BAIAP3: variants seen among roughly 807,000 people sequenced by gnomAD.
BAIAP3 encodes the protein BAI1 associated protein 3.
A neutral mutation model predicts 149.7 loss-of-function variants in BAIAP3; 180 were observed. The observed-to-expected ratio is 1.20, with a 90% CI of 1.07 to 1.36. The LOEUF (loss-of-function observed/expected upper bound fraction) is 1.36. Ranked by LOEUF, BAIAP3 falls within the 40% of genes most tolerant of loss-of-function variation. BAIAP3 has a pLI of 0.00. For missense variants in BAIAP3, 1,767 were observed against 1,563.4 expected (o/e 1.13, Z -2.20); for synonymous variants, 845 against 670.7 (o/e 1.26, Z -4.02).
At chr16:1,341,583 C>T (rs960362634) in intron 8 of BAIAP3, 94 bp downstream of exon 8, 34 of 1,461,432 alleles carry the variant, frequency 2.3e-5, no homozygotes, top group African/African-American at 4.2e-5. Flanking sequence ...CAGCAGCTCC[C>T]GGTCTCTTTG....
rs768496438 is a variant in BAIAP3 at position 1,340,961 on chromosome 16, G to A, written c.448G>A (p.Glu150Lys). ...TSLEEHTEAI[E>K]RVRKAKAPTY... ...CCTTGAGGAGCACACTGAGGCCATC[G>A]AGCGAGTGAGGAAGGCCAAGGTGAG... is the stretch of plus-strand genomic sequence containing the variant. Residue 150 changes from glutamate to lysine, a missense_variant, in exon 6 of 34, where the codon GAG becomes AAG. Physicochemically the swap from Glu to Lys is moderately conservative, Grantham distance 56. Coordinates refer to ENST00000426824, the MANE Select transcript of BAIAP3 (RefSeq NM_001199097.2). 21 of 1,589,192 alleles carry A rather than the reference G, an allele frequency of 1.3e-5. No individual in the cohort carries two copies. The highest frequency in any genetic ancestry group is 1.7e-4 in the Middle Eastern group (1 of 6,028).
rs965319193 is a variant in BAIAP3 at position 1,342,018 on chromosome 16, C to T, written c.809C>T (p.Ala270Val). The change falls in exon 10 of 34, where the codon GCG becomes GTG. Residue 270 changes from alanine (A) to valine (V), a missense_variant. Transcript: ENST00000426824. Reference protein sequence around the residue: ...DHDDDVSLVEACRKLNEVIGL... With the variant: ...DHDDDVSLVEVCRKLNEVIGL... ...GACGACGATGTATCCCTGGTAGAAG[C>T]GTGCAGGAAGCTGAATGAAGTCATC... 9.3e-6 allele frequency: 15 copies of T among 1,606,446 alleles called. No individual in the cohort carries two copies. The highest frequency in any genetic ancestry group is 6.8e-5 in the Admixed American group (4 of 59,210).
intron 1 of BAIAP3, among the ~76,000 whole-genome samples, chr16:1,337,805 C>T (rs924524631): frequency 5.3e-5 from 8 of 152,220 alleles, no homozygotes; most frequent in African/African-American, 4.8e-5. Context: ...CAGCGGGGCC[C>T]GGCTCGCTTC....
chr16:1,340,189 ACACACGCACACAGG>A (rs1404480189), intron 5 of BAIAP3, among the ~76,000 whole-genome samples: 3 of 39,198 alleles, frequency 7.7e-5, no homozygotes, highest in African/African-American at 2.0e-4. Context: ...GTGCACACAG[ACACACGCACACAGG>A]CTGCAGGTGC....
chr16:1,336,359 G>A (rs2033456969), intron 1 of BAIAP3: 2 of 985,402 alleles, frequency 2.0e-6, no homozygotes, highest in East Asian at 1.1e-4. Context: ...ATCTTTTGGG[G>A]GGGAGGCTCA....
intron 23 of BAIAP3, 29 bp from the exon 24 acceptor site, chr16:1,345,957 A>T: frequency 1.3e-6 from 2 of 1,591,046 alleles, no homozygotes; most frequent in Non-Finnish European, 1.7e-6. Context: ...GGAGGGCTCC[A>T]TGGCTCCCCA....
At position 1,348,516 on chromosome 16, in the gene BAIAP3, ACC is replaced by A; in HGVS notation, c.*37_*38del. The stretch of plus-strand genomic sequence containing the variant: ...GCTGCCAGCCCCGGCCCTGGCCCCC[ACC>A]CCAAGTTCCCTGAAGCATCCTCCAG... On this transcript the variant is annotated 3_prime_UTR_variant, in exon 34 of 34. Coordinates refer to ENST00000426824, the MANE Select transcript of BAIAP3 (RefSeq NM_001199097.2). 1 of 1,567,954 alleles carries A rather than the reference ACC, an allele frequency of 6.4e-7. No homozygotes were observed. Among genetic ancestry groups the A allele is most frequent in the Non-Finnish European group, 8.7e-7 (1 of 1,155,894 alleles).
chr16:1,346,710 C>CT, intron 27 of BAIAP3, 26 bp downstream of exon 27: 1 of 1,489,876 alleles, frequency 6.7e-7, no homozygotes, highest in Non-Finnish European at 9.1e-7. Context: ...GTGGGATGGG[C>CT]TGGGCTGGCC....
Position 1,340,937 on chromosome 16 carries a change from C to A in BAIAP3, c.424C>A (p.Leu142Ile). ...SYLQQVFGTS[L>I]EEHTEAIERV... is the part of the protein sequence containing the mutation. Reference sequence around the variant, plus strand: ...CCCTCCACAGGTGTTTGGCACCAGCCTTGAGGAGCACACTGAGGCCATCGA... The same window carrying A: ...CCCTCCACAGGTGTTTGGCACCAGCATTGAGGAGCACACTGAGGCCATCGA... The change falls in exon 6 of 34, where the codon CTT becomes ATT. Residue 142 changes from leucine (L) to isoleucine (I), a missense_variant. Physicochemically the swap from Leu to Ile is conservative, Grantham distance 5 (BLOSUM62 2). Coordinates refer to ENST00000426824, the MANE Select transcript of BAIAP3 (RefSeq NM_001199097.2). 6.3e-7 allele frequency: 1 copy of A among 1,578,050 alleles called. No homozygotes were observed. Among genetic ancestry groups the A allele is most frequent in the Non-Finnish European group, 8.6e-7 (1 of 1,162,268 alleles).
At chr16:1,341,058 C>T in intron 6 of BAIAP3, 71 bp from the exon 7 acceptor site, 1 of 1,611,256 alleles carries the variant, frequency 6.2e-7, no homozygotes, top group Admixed American at 1.7e-5. Flanking sequence ...GGCCCTGTCA[C>T]CTCCATGCTA....
In BAIAP3 at chr16:1,341,118, T is replaced by C. The variant is rs367888200; in HGVS notation, c.469-11T>C. On this transcript the variant is annotated splice_polypyrimidine_tract_variant and intron_variant, in intron 6 of 33. Transcript: ENST00000426824. ...AGCCTCACCAGGCCCCCCACGCCCCTCTGTCCACAGGCCCCCACGTATGCC... is the reference window on the plus strand; with the variant it reads ...AGCCTCACCAGGCCCCCCACGCCCCCCTGTCCACAGGCCCCCACGTATGCC... The C allele has an allele frequency of 6.2e-7, 1 of 1,611,696 alleles. No homozygotes were observed. Among genetic ancestry groups the C allele is most frequent in the Non-Finnish European group, 8.5e-7 (1 of 1,179,344 alleles).
intron 28 of BAIAP3, 126 bp downstream of exon 28, chr16:1,347,081 C>T: frequency 1.0e-6 from 1 of 967,650 alleles, no homozygotes; most frequent in South Asian, 1.5e-5. Context: ...GGGCTGTCCA[C>T]AGCGCCTCCT....
intron 1 of BAIAP3, chr16:1,336,323 C>T (rs2033454342): frequency 1.0e-6 from 1 of 985,282 alleles, no homozygotes; most frequent in Non-Finnish European, 1.2e-6. Context: ...TCCAGAAGCA[C>T]TGTACCCAGC....
Position 1,345,793 on chromosome 16 carries a change from C to A in BAIAP3, c.2111C>A (p.Thr704Asn). Residue 704 changes from threonine (T) to asparagine (N), a missense_variant, in exon 23 of 34, where the codon ACT (threonine) becomes AAT (asparagine). By Grantham distance (65) the Thr-to-Asn change is moderately conservative. Transcript: ENST00000426824. ...TCCAGGCACAGCAGCTCCGCAGCCA[C>A]TGCTGGTCTCTGCCTCAGCCACATC... ...ASSRHSSSAA[T>N]AGLCLSHIQE... is the part of the protein sequence containing the mutation. The A allele has an allele frequency of 6.4e-7, 1 of 1,572,282 alleles. No individual in the cohort carries two copies. Among genetic ancestry groups the A allele is most frequent in the Non-Finnish European group, 8.6e-7 (1 of 1,163,752 alleles).
chr16:1,343,651 G>A, intron 15 of BAIAP3, 138 bp downstream of exon 15: 7 of 1,342,202 alleles, frequency 5.2e-6, no homozygotes, highest in Non-Finnish European at 7.1e-6. Context: ...TATGACGTGG[G>A]CGAGAGCCAG....
intron 7 of BAIAP3, 44 bp from the exon 8 acceptor site, chr16:1,341,250 G>A (rs779704420): frequency 6.2e-6 from 10 of 1,606,538 alleles, no homozygotes; most frequent in Admixed American, 1.7e-5. Context: ...GCCATGGAGG[G>A]CCAGAGGGCG....
Position 1,346,479 on chromosome 16 carries a change from GTC to G in BAIAP3, c.2536_2537del (p.Ser846AlafsTer2), listed in dbSNP as rs1294412826. ...ATCCGCAAGTATGTACAGCACATCA[GTC>G]TCTCGCCTGACTCCATCCAGAACGA... is the stretch of plus-strand genomic sequence containing the variant. On this transcript the variant is annotated frameshift_variant, in exon 26 of 34. Coordinates refer to ENST00000426824, the MANE Select transcript of BAIAP3 (RefSeq NM_001199097.2). LOFTEE classifies it high-confidence loss of function. The G allele has an allele frequency of 6.2e-7, 1 of 1,612,178 alleles. No individual in the cohort carries two copies. The highest frequency in any genetic ancestry group is 8.5e-7 in the Non-Finnish European group (1 of 1,179,662).
At chr16:1,334,436 G>A in intron 1 of BAIAP3, 1 of 565,816 alleles carries the variant, frequency 1.8e-6, no homozygotes, top group South Asian at 2.2e-5. Flanking sequence ...CGGGGCCCCG[G>A]GAAAGGGGGT....
At chr16:1,340,897 C>T in intron 5 of BAIAP3, 25 bp from the exon 6 acceptor site, 1 of 1,557,204 alleles carries the variant, frequency 6.4e-7, no homozygotes, top group Non-Finnish European at 8.7e-7. Flanking sequence ...TGCCTAGGCC[C>T]TGCCAACCCA....
Sources: gnomAD v4.1 joint callset for allele counts (sites outside exome capture counted in the v4.1 genomes callset) on GRCh38, gnomAD v4.1.1 for gene constraint, MANE v1.5 for transcripts, NCBI Gene and HGNC (gene_info 2026-07-23, HGNC 2026-07-21) for gene names.